Variants in PRELID2 observed in about 807,000 individuals in gnomAD.
The protein encoded by PRELID2 is PRELI domain containing 2.
Under a neutral mutation model 28.4 loss-of-function variants are expected in PRELID2, and 25 were observed. The ratio of observed to expected loss-of-function variants is 0.88; its 90% CI spans 0.64 to 1.23. The LOEUF (loss-of-function observed/expected upper bound fraction) is 1.23. Among genes scored for constraint, PRELID2 ranks in the 50% most tolerant of loss-of-function variants. PRELID2 has a pLI of 0.00. For missense variants in PRELID2, 201 were observed against 214.4 expected (o/e 0.94, Z 0.39); for synonymous variants, 76 against 71.6 (o/e 1.06, Z -0.31).
At chr5:145,321,852 G>A in the PRELID2 span, among the ~76,000 whole-genome samples, 1 of 152,184 alleles carries the variant, frequency 6.6e-6, no homozygotes, top group Non-Finnish European at 1.5e-5. Flanking sequence ...AATCTAGAAA[G>A]CATTGCTGTG....
At chr5:145,832,206 G>A (rs1755637844) in intron 1 of PRELID2, among the ~76,000 whole-genome samples, 1 of 152,152 alleles carries the variant, frequency 6.6e-6, no homozygotes, top group Non-Finnish European at 1.5e-5. Flanking sequence ...TTGTTTTTGA[G>A]ATGAAGTCTT....
chr5:145,689,444 C>T (rs1456430930), intron 1 of PRELID2, among the ~76,000 whole-genome samples: 1 of 152,208 alleles, frequency 6.6e-6, no homozygotes, highest in Non-Finnish European at 1.5e-5. Context: ...TTCCAGCTTC[C>T]TCTCTCTCAT....
chr5:145,795,668 C>T (rs1752691911), intron 5 of PRELID2: 1 of 152,078 alleles, frequency 6.6e-6, no homozygotes, highest in Non-Finnish European at 1.5e-5. Context: ...GTATAATTAT[C>T]ATCGTAATTA....
rs574496722 is a variant in PRELID2 at position 145,785,633 on chromosome 5, G to A, written c.474+10809C>T. ...GGCTTTGATTATTAGCACAAGGAAT[G>A]TTAAAATTGCAAATTTTCACTGGTA... On this transcript the variant is annotated intron_variant, in intron 5 of 6. Transcript: ENST00000683046. Among the ~76,000 whole-genome samples, 155 of 152,276 alleles carry A rather than the reference G, an allele frequency of 1.0e-3. 1 individual carries two copies. The highest frequency in any genetic ancestry group is 3.7e-3 in the Admixed American group (57 of 15,302).
the PRELID2 span, among the ~76,000 whole-genome samples, chr5:145,449,724 C>T: frequency 0.21 from 31,243 of 152,006 alleles, 3,822 homozygotes; most frequent in South Asian, 0.35. Context: ...TAAGTCTATT[C>T]CTGCTCCATA....
the PRELID2 span, among the ~76,000 whole-genome samples, chr5:145,371,886 TAA>T: frequency 6.6e-3 from 943 of 141,860 alleles, 6 homozygotes; most frequent in East Asian, 9.7e-3. Flanking sequence ...TTTGTTAATT[TAA>T]AAAAAAAAAA....
At chr5:145,279,216 A>G in the PRELID2 span, among the ~76,000 whole-genome samples, 2 of 152,176 alleles carry the variant, frequency 1.3e-5, no homozygotes, top group Non-Finnish European at 2.9e-5. Context: ...CTGCAATAAC[A>G]TTTGCATCAA....
chr5:145,418,209 C>A, the PRELID2 span, among the ~76,000 whole-genome samples: 1 of 152,034 alleles, frequency 6.6e-6, no homozygotes, highest in African/African-American at 2.4e-5. Flanking sequence ...TCCAGGAGAA[C>A]TATAAAGCAC....
the PRELID2 span, among the ~76,000 whole-genome samples, chr5:145,243,305 A>G: frequency 6.6e-6 from 1 of 152,058 alleles, no homozygotes; most frequent in African/African-American, 2.4e-5. Flanking sequence ...CCAGCAGAAA[A>G]CAGATTTCAC....
Position 145,498,631 on chromosome 5 carries a change from C to T in PRELID2, n.71-25316G>A, listed in dbSNP as rs150228822. ...TGTAACCTCCGCCTCCCGGTTCAAG[C>T]GATTCTCCTGCCTCAGCCTCCTGAG... On this transcript the variant is annotated intron_variant and non_coding_transcript_variant, in intron 1 of 2. Coordinates refer to the PRELID2 transcript ENST00000510259. Among the ~76,000 whole-genome samples, 135 of 152,190 alleles carry T rather than the reference C, an allele frequency of 8.9e-4. 2 individuals carry two copies. In the East Asian group the frequency reaches 0.022, roughly 24 times the overall value.
the PRELID2 span, among the ~76,000 whole-genome samples, chr5:145,424,861 C>A: frequency 2.6e-5 from 4 of 152,114 alleles, no homozygotes; most frequent in African/African-American, 9.7e-5. Flanking sequence ...TAGGCACAGG[C>A]AAACATTTCA....
the PRELID2 span, among the ~76,000 whole-genome samples, chr5:145,277,043 A>G: frequency 6.6e-6 from 1 of 152,082 alleles, no homozygotes; most frequent in Non-Finnish European, 1.5e-5. Flanking sequence ...ATGATGCCAC[A>G]GAGTAGAAAA....
the PRELID2 span, among the ~76,000 whole-genome samples, chr5:145,304,374 T>C: frequency 6.6e-6 from 1 of 152,172 alleles, no homozygotes; most frequent in Non-Finnish European, 1.5e-5. Context: ...ACAAAATTTA[T>C]TTATAATCTC....
At chr5:145,501,647 C>T (rs529024538) in intron 1 of PRELID2, among the ~76,000 whole-genome samples, 1 of 152,140 alleles carries the variant, frequency 6.6e-6, no homozygotes, top group South Asian at 2.1e-4. Context: ...ACTGTGAGTC[C>T]TCCCCAGCCA....
chr5:145,740,965 ATATAT>A (rs1756696647), intron 1 of PRELID2, among the ~76,000 whole-genome samples: 1 of 83,326 alleles, frequency 1.2e-5, no homozygotes, highest in African/African-American at 5.6e-5. Flanking sequence ...TAAATAAAGT[ATATAT>A]TATATATTTG....
intron 1 of PRELID2, among the ~76,000 whole-genome samples, chr5:145,582,307 A>G (rs753875274): frequency 1.3e-5 from 2 of 152,096 alleles, no homozygotes; most frequent in Admixed American, 6.6e-5. Flanking sequence ...ATTTATAATC[A>G]TGGCAGACGG....
chr5:145,592,066 C>T (rs1481016365), intron 1 of PRELID2, among the ~76,000 whole-genome samples: 1 of 152,168 alleles, frequency 6.6e-6, no homozygotes, highest in African/African-American at 2.4e-5. Context: ...AACTTAAATG[C>T]AGCATGAGTT....
chr5:145,408,395 TTA>T, the PRELID2 span, among the ~76,000 whole-genome samples: 60,239 of 128,624 alleles, frequency 0.47, 13,472 homozygotes, highest in African/African-American at 0.5. Context: ...TTAAAGAAAT[TTA>T]TATATATATA....
chr5:145,608,952 A>C (rs1456400805), intron 1 of PRELID2, among the ~76,000 whole-genome samples: 1 of 151,798 alleles, frequency 6.6e-6, no homozygotes, highest in Non-Finnish European at 1.5e-5. Flanking sequence ...TTATTTGTTC[A>C]TTCTTCTTTA....
Sources: allele counts gnomAD v4.1 joint callset (sites outside exome capture counted in the v4.1 genomes callset), GRCh38; gene constraint gnomAD v4.1.1; transcripts MANE v1.5; gene names NCBI Gene and HGNC (gene_info 2026-07-23, HGNC 2026-07-21).